The following GPD1L variants were observed in gnomAD, a reference collection of about 807,000 sequenced individuals.
The protein encoded by GPD1L is glycerol-3-phosphate dehydrogenase 1 like.
Under a neutral mutation model 32.9 loss-of-function variants are expected in GPD1L, and 17 were observed. That is an observed-to-expected ratio of 0.52 (90% CI 0.35 to 0.78). The LOEUF is 0.78. GPD1L is among the 30% of genes least tolerant of loss of function. GPD1L has a pLI of 0.01. For synonymous variants in GPD1L, 187 were observed against 165.9 expected, an observed-to-expected ratio of 1.13 and a Z score of -0.98; for missense variants, 361 against 447.8, an observed-to-expected ratio of 0.81 and a Z score of 1.75.
intron 5 of GPD1L, chr3:32,158,188 A>G (rs1701021458): frequency 6.5e-6 from 1 of 153,396 alleles, no homozygotes; most frequent in African/African-American, 2.4e-5. Context: ...ATGGAATACT[A>G]TGCAGCAATT....
At chr3:32,108,337 C>T (rs1160248077) in intron 1 of GPD1L, among the ~76,000 whole-genome samples, 1 of 152,148 alleles carries the variant, frequency 6.6e-6, no homozygotes, top group African/African-American at 2.4e-5. Context: ...GAAACCCCGT[C>T]TCTACTGAAA....
intron 2 of GPD1L, among the ~76,000 whole-genome samples, chr3:32,135,493 C>T (rs192688726): frequency 6.6e-6 from 1 of 152,238 alleles, no homozygotes; most frequent in East Asian, 1.9e-4. Context: ...TGCTCTGTCG[C>T]CCAGGCTGGA....
chr3:32,113,158 C>T (rs1376374365), intron 1 of GPD1L, among the ~76,000 whole-genome samples: 2 of 121,496 alleles, frequency 1.6e-5, no homozygotes, highest in East Asian at 6.7e-4. Context: ...GTAGTCATCC[C>T]TTCTCCTATA....
chr3:32,112,073 G>A (rs1700260913), intron 1 of GPD1L, among the ~76,000 whole-genome samples: 1 of 152,210 alleles, frequency 6.6e-6, no homozygotes, highest in African/African-American at 2.4e-5. Flanking sequence ...GATGAACTGG[G>A]AAGAGACTTA....
At chr3:32,139,293 G>A (rs1255100577) in intron 3 of GPD1L, among the ~76,000 whole-genome samples, 1 of 152,174 alleles carries the variant, frequency 6.6e-6, no homozygotes, top group Non-Finnish European at 1.5e-5. Context: ...TTGTCAATAG[G>A]AGTCGCAGGG....
At chr3:32,155,285 C>G (rs1198556121) in intron 5 of GPD1L, among the ~76,000 whole-genome samples, 1 of 152,010 alleles carries the variant, frequency 6.6e-6, no homozygotes, top group Non-Finnish European at 1.5e-5. Context: ...CTCAGTTGTG[C>G]CAGTTGGGAA....
chr3:32,107,123 C>G (rs1347436448), intron 1 of GPD1L, among the ~76,000 whole-genome samples: 3 of 152,200 alleles, frequency 2.0e-5, no homozygotes, highest in Admixed American at 1.3e-4. Context: ...TCTCCTGGGT[C>G]AAGGACTTGG....
rs752629009 is a variant in GPD1L at position 32,146,640 on chromosome 3, A to G, written c.524A>G (p.Asn175Ser). The change falls in exon 5 of 8, where the codon AAC becomes AGC. Residue 175 changes from asparagine to serine, a missense_variant. Coordinates refer to ENST00000282541, the MANE Select transcript of GPD1L (RefSeq NM_015141.4). Reference protein sequence around the residue: ...ETTIGSKVMENGLLFKELLQT... With the variant: ...ETTIGSKVMESGLLFKELLQT... The stretch of plus-strand genomic sequence containing the variant: ...TCAACAGGCAGCAAAGTAATGGAGA[A>G]CGGCCTTCTCTTCAAAGAACTTCTG... 15 of 1,610,356 alleles carry G rather than the reference A, an allele frequency of 9.3e-6. No individual in the cohort carries two copies. Among genetic ancestry groups the G allele is most frequent in the Non-Finnish European group, 1.2e-5 (14 of 1,176,530 alleles).
intron 5 of GPD1L, among the ~76,000 whole-genome samples, chr3:32,157,848 T>C (rs1407839358): frequency 6.6e-6 from 1 of 152,218 alleles, no homozygotes; most frequent in African/African-American, 2.4e-5. Context: ...CCAGCCCCCT[T>C]AGCAGATTTT....
intron 1 of GPD1L, among the ~76,000 whole-genome samples, chr3:32,110,353 T>C (rs1197956937): frequency 6.6e-6 from 1 of 152,242 alleles, no homozygotes. Flanking sequence ...CCAATTTTAA[T>C]ACAGATCACC....
intron 1 of GPD1L, among the ~76,000 whole-genome samples, chr3:32,115,409 C>G (rs950500862): frequency 2.0e-5 from 3 of 152,208 alleles, no homozygotes; most frequent in African/African-American, 7.2e-5. Context: ...GAAAAGTTCT[C>G]CAAGTCCCCA....
chr3:32,150,839 C>T (rs1700908711), intron 5 of GPD1L, among the ~76,000 whole-genome samples: 1 of 152,120 alleles, frequency 6.6e-6, no homozygotes, highest in African/African-American at 2.4e-5. Context: ...CTTGTAATCC[C>T]AGCACTTTGG....
At chr3:32,159,480 A>T (rs57228367) in intron 6 of GPD1L, 88 bp from the exon 7 acceptor site, 23 of 801,862 alleles carry the variant, frequency 2.9e-5, no homozygotes, top group Non-Finnish European at 4.0e-5. Context: ...AAAAAAAAAA[A>T]GAAAAAAAAC....
At chr3:32,137,648 A>G (rs1700685064) in intron 2 of GPD1L, among the ~76,000 whole-genome samples, 1 of 152,212 alleles carries the variant, frequency 6.6e-6, no homozygotes, top group Non-Finnish European at 1.5e-5. Flanking sequence ...GGAATAAGGA[A>G]GAACAGATAC....
intron 3 of GPD1L, among the ~76,000 whole-genome samples, chr3:32,139,466 A>T (rs558672254): frequency 3.3e-4 from 50 of 152,240 alleles, no homozygotes; most frequent in Non-Finnish European, 4.7e-4. Flanking sequence ...TTTTTTAAAC[A>T]AATTTCAACA....
At chr3:32,139,854 G>A (rs1268041592) in intron 3 of GPD1L, among the ~76,000 whole-genome samples, 1 of 152,094 alleles carries the variant, frequency 6.6e-6, no homozygotes, top group African/African-American at 2.4e-5. Context: ...GAAACCCCAG[G>A]GATAATGACG....
Position 32,106,886 on chromosome 3 carries a change from A to G in GPD1L, c.47+128A>G. ...TGCGCGCAGGGAGGCGGGGTGGGCG[A>G]CCTCGTTGCTGGGCTGGGCACCGTG... On this transcript the variant is annotated intron_variant, in intron 1 of 7. Transcript: ENST00000282541. This position sits in a 1 kb window ranked among gnomAD's most constrained non-coding sequence, Gnocchi z 4.0. 10 of 854,210 alleles carry G rather than the reference A, an allele frequency of 1.2e-5. No individual in the cohort carries two copies. Among genetic ancestry groups the G allele is most frequent in the Non-Finnish European group, 1.6e-5 (10 of 621,474 alleles). 52.9% of individuals were successfully genotyped at this position (854,210 alleles called of 1,614,324 possible).
chr3:32,106,854 C>A lies in GPD1L; in HGVS notation c.47+96C>A. Reference sequence around the variant, plus strand: ...GCGCCCCATGCTGCGGCGTGGGCACCGGGCACTGCGCGCAGGGAGGCGGGG... The same window carrying A: ...GCGCCCCATGCTGCGGCGTGGGCACAGGGCACTGCGCGCAGGGAGGCGGGG... On this transcript the variant is annotated intron_variant, in intron 1 of 7. Coordinates refer to ENST00000282541, the MANE Select transcript of GPD1L (RefSeq NM_015141.4). This position sits in a 1 kb window ranked among gnomAD's most constrained non-coding sequence, Gnocchi z 4.0. 3 of 1,186,302 alleles carry A rather than the reference C, an allele frequency of 2.5e-6. No homozygotes were observed. The South Asian group carries it at 5.9e-5, about 24-fold the overall frequency. The allele number at this position is 1,186,302 out of a possible 1,614,324, so 73.5% of individuals were successfully genotyped here.
chr3:32,118,639 AC>A (rs1575108134), intron 1 of GPD1L, among the ~76,000 whole-genome samples: 1 of 152,124 alleles, frequency 6.6e-6, no homozygotes, highest in Non-Finnish European at 1.5e-5. Flanking sequence ...TTTTAAGCAT[AC>A]GGTTTAGTAG....
Sources: allele counts gnomAD v4.1 joint callset (sites outside exome capture counted in the v4.1 genomes callset), GRCh38; gene constraint gnomAD v4.1.1; non-coding constraint Gnocchi (gnomAD v3.1); transcripts MANE v1.5; gene names NCBI Gene and HGNC (gene_info 2026-07-23, HGNC 2026-07-21).